The following PLCB1 variants were observed in gnomAD, a reference collection of about 807,000 sequenced individuals.
The protein encoded by PLCB1 is 1-phosphatidylinositol 4,5-bisphosphate phosphodiesterase beta-1.
PLCB1 carries 46 observed loss-of-function variants against 161.8 expected under a neutral mutation model. The observed-to-expected ratio is 0.28, with a 90% CI of 0.22 to 0.36. PLCB1 has a LOEUF of 0.36. Among genes scored for constraint, PLCB1 ranks in the 10% least tolerant of loss-of-function variants. The probability of loss-of-function intolerance (pLI) is 1.00; values close to 1 mark genes in which losing one functional copy is unlikely to be tolerated. For missense variants in PLCB1, 1,016 were observed against 1,472.5 expected (o/e 0.69, Z 5.07); for synonymous variants, 517 against 503.7 (o/e 1.03, Z -0.35).
chr20:8,680,367 C>T (rs929322091), intron 9 of PLCB1, among the ~76,000 whole-genome samples: 2 of 152,144 alleles, frequency 1.3e-5, no homozygotes, highest in South Asian at 2.1e-4. Flanking sequence ...TATGACAAAA[C>T]ATCTGTATTT....
At chr20:8,152,060 G>A (rs1208748478) in intron 2 of PLCB1, among the ~76,000 whole-genome samples, 1 of 152,090 alleles carries the variant, frequency 6.6e-6, no homozygotes, top group Non-Finnish European at 1.5e-5. Context: ...AATCTTGGTT[G>A]CAATGCTGTT....
At chr20:8,458,966 T>C (rs1981450125) in intron 3 of PLCB1, among the ~76,000 whole-genome samples, 1 of 152,202 alleles carries the variant, frequency 6.6e-6, no homozygotes, top group African/African-American at 2.4e-5. Flanking sequence ...AAGAATAAAA[T>C]GTGAATTGCT....
At chr20:8,161,278 A>C (rs62198534) in intron 2 of PLCB1, among the ~76,000 whole-genome samples, 1 of 151,938 alleles carries the variant, frequency 6.6e-6, no homozygotes, top group African/African-American at 2.4e-5. Context: ...GCCGTGCTAC[A>C]TATATACATA....
intron 3 of PLCB1, among the ~76,000 whole-genome samples, chr20:8,562,691 C>G (rs531151727): frequency 3.3e-5 from 5 of 152,108 alleles, no homozygotes; most frequent in African/African-American, 1.2e-4. Flanking sequence ...TTTTAATAAG[C>G]AAAACCCCAG....
intron 2 of PLCB1, among the ~76,000 whole-genome samples, chr20:8,172,941 GA>G (rs1258944935): frequency 1.3e-5 from 2 of 152,152 alleles, no homozygotes; most frequent in Non-Finnish European, 2.9e-5. Flanking sequence ...GGTGGTTCAG[GA>G]AAGCTCCTTC....
At chr20:8,227,518 C>T (rs1319879073) in intron 2 of PLCB1, among the ~76,000 whole-genome samples, 2 of 152,196 alleles carry the variant, frequency 1.3e-5, no homozygotes, top group African/African-American at 4.8e-5. Context: ...AAACTGATTA[C>T]AGGCAGCTGC....
intron 9 of PLCB1, among the ~76,000 whole-genome samples, chr20:8,668,153 A>G (rs910129043): frequency 4.6e-5 from 7 of 152,028 alleles, no homozygotes; most frequent in African/African-American, 1.7e-4. Context: ...AAAAAAAAAA[A>G]GCAAACCACA....
At chr20:8,711,585 A>G (rs1303565993) in intron 12 of PLCB1, among the ~76,000 whole-genome samples, 2 of 152,224 alleles carry the variant, frequency 1.3e-5, no homozygotes, top group Non-Finnish European at 2.9e-5. Context: ...GTGAAATACT[A>G]AAAGATAAAA....
rs536522937 is a variant in PLCB1 at position 8,474,807 on chromosome 20, T to C, written c.246+103357T>C. ...GGAAGTACATTGCCCATTAAGAATT[T>C]TAAGAGATCTAAGTGTGACCACAAT... is the stretch of plus-strand genomic sequence containing the variant. On this transcript the variant is annotated intron_variant, in intron 3 of 31. Coordinates refer to ENST00000338037, the MANE Select transcript of PLCB1 (RefSeq NM_015192.4). Among the ~76,000 whole-genome samples, 24 of 152,220 alleles carry C rather than the reference T, an allele frequency of 1.6e-4. No individual in the cohort carries two copies. The South Asian group carries it at 4.6e-3, about 29-fold the overall frequency.
At chr20:8,216,365 G>T (rs1162841404) in intron 2 of PLCB1, among the ~76,000 whole-genome samples, 2 of 152,036 alleles carry the variant, frequency 1.3e-5, no homozygotes, top group Non-Finnish European at 2.9e-5. Flanking sequence ...TGAGTACAAG[G>T]CTGCAATATT....
At chr20:8,189,743 C>G (rs971106283) in intron 2 of PLCB1, among the ~76,000 whole-genome samples, 6 of 152,046 alleles carry the variant, frequency 3.9e-5, no homozygotes, top group Non-Finnish European at 8.8e-5. Context: ...TTGTATTATT[C>G]ACAGTGAGAT....
chr20:8,733,420 C>T, intron 19 of PLCB1, 28 bp downstream of exon 19: 4 of 1,598,600 alleles, frequency 2.5e-6, no homozygotes, highest in Non-Finnish European at 3.4e-6. Flanking sequence ...CAAAATTGTT[C>T]CTAACAATAG....
intron 3 of PLCB1, among the ~76,000 whole-genome samples, chr20:8,460,439 T>G (rs1251239305): frequency 6.6e-6 from 1 of 152,312 alleles, no homozygotes; most frequent in East Asian, 1.9e-4. Flanking sequence ...TATTCAAGAT[T>G]TAGTGGGAAT....
chr20:8,236,119 G>C lies in PLCB1; in HGVS notation c.177+85748G>C, dbSNP rs74967461. Among the ~76,000 whole-genome samples, 1,008 of 152,164 alleles carry C rather than the reference G, an allele frequency of 6.6e-3. 15 individuals carry two copies. Among genetic ancestry groups the C allele is most frequent in the African/African-American group, 0.023 (972 of 41,536 alleles). On this transcript the variant is annotated intron_variant, in intron 2 of 31. Coordinates refer to ENST00000338037, the MANE Select transcript of PLCB1 (RefSeq NM_015192.4). The stretch of plus-strand genomic sequence containing the variant: ...TGAAGAAACTACTAAAAAATGCTGA[G>C]GGAATTATGCCAACCAAAATTTCAA...
intron 2 of PLCB1, among the ~76,000 whole-genome samples, chr20:8,329,618 G>C (rs569152762): frequency 6.6e-6 from 1 of 152,242 alleles, no homozygotes; most frequent in East Asian, 1.9e-4. Flanking sequence ...CCATATCTTT[G>C]TTTCTTGTGC....
At chr20:8,580,965 T>C (rs913759799) in intron 3 of PLCB1, among the ~76,000 whole-genome samples, 2 of 152,162 alleles carry the variant, frequency 1.3e-5, no homozygotes, top group Non-Finnish European at 2.9e-5. Flanking sequence ...AACTGGGGTG[T>C]GTGTGGGAAA....
At chr20:8,675,569 C>T (rs774464381) in intron 9 of PLCB1, among the ~76,000 whole-genome samples, 6 of 152,094 alleles carry the variant, frequency 3.9e-5, no homozygotes, top group Admixed American at 1.3e-4. Context: ...AGATAAGGAA[C>T]GTAAGATCTG....
intron 31 of PLCB1, among the ~76,000 whole-genome samples, chr20:8,823,112 C>G (rs1405597217): frequency 6.6e-6 from 1 of 152,058 alleles, no homozygotes; most frequent in Admixed American, 6.6e-5. Flanking sequence ...TATGCAAATA[C>G]TACACCCCTT....
At chr20:8,342,850 G>A (rs1985861300) in intron 2 of PLCB1, among the ~76,000 whole-genome samples, 1 of 152,172 alleles carries the variant, frequency 6.6e-6, no homozygotes, top group South Asian at 2.1e-4. Flanking sequence ...TCTGGAAGAG[G>A]ATGAGTAGAA....
Sources: allele counts gnomAD v4.1 joint callset (sites outside exome capture counted in the v4.1 genomes callset), GRCh38; gene constraint gnomAD v4.1.1; transcripts MANE v1.5; gene names NCBI Gene and HGNC (gene_info 2026-07-23, HGNC 2026-07-21).